The following EPHA3 variants were observed in gnomAD, a reference collection of about 807,000 sequenced individuals.
EPHA3 encodes ephrin type-A receptor 3.
A neutral mutation model predicts 107.1 loss-of-function variants in EPHA3; 42 were observed. The observed-to-expected ratio is 0.39, with a 90% CI of 0.31 to 0.51. EPHA3 has a LOEUF of 0.51. EPHA3 is among the 20% of genes least tolerant of loss of function. EPHA3 has a pLI of 0.78. For missense variants in EPHA3, 1,183 were observed against 1,211.2 expected, an observed-to-expected ratio of 0.98 and a Z score of 0.35; for synonymous variants, 461 against 424.8, an observed-to-expected ratio of 1.09 and a Z score of -1.05.
intron 2 of EPHA3, among the ~76,000 whole-genome samples, chr3:89,142,857 C>A (rs527389665): frequency 6.6e-6 from 1 of 151,368 alleles, no homozygotes; most frequent in South Asian, 2.1e-4. Flanking sequence ...CCCCTTTATG[C>A]CTTTTCAAAA....
intron 15 of EPHA3, among the ~76,000 whole-genome samples, chr3:89,458,358 A>T (rs1369591598): frequency 6.6e-6 from 1 of 152,164 alleles, no homozygotes; most frequent in East Asian, 1.9e-4. Context: ...AACGAGGAAC[A>T]ATCAGGGTGA....
intron 1 of EPHA3, among the ~76,000 whole-genome samples, chr3:89,111,842 A>G (rs964779074): frequency 6.6e-6 from 1 of 152,144 alleles, no homozygotes; most frequent in Non-Finnish European, 1.5e-5. Context: ...TTTATGTTTC[A>G]TAATCATACT....
chr3:89,161,946 C>T (rs2107072957), intron 2 of EPHA3, among the ~76,000 whole-genome samples: 1 of 151,636 alleles, frequency 6.6e-6, no homozygotes, highest in African/African-American at 2.4e-5. Context: ...CACTGCACTC[C>T]AGCCTGGGTG....
chr3:89,306,238 C>T (rs1210822376), intron 3 of EPHA3, among the ~76,000 whole-genome samples: 2 of 152,060 alleles, frequency 1.3e-5, no homozygotes, highest in South Asian at 2.1e-4. Context: ...TTTTTGAAAA[C>T]GTATATAGCT....
intron 2 of EPHA3, among the ~76,000 whole-genome samples, chr3:89,156,634 T>C (rs1704813371): frequency 6.6e-6 from 1 of 152,062 alleles, no homozygotes; most frequent in Non-Finnish European, 1.5e-5. Flanking sequence ...ATTTTTTTTC[T>C]TTACTTTGTG....
chr3:89,301,854 G>A (rs1250637121), intron 3 of EPHA3, among the ~76,000 whole-genome samples: 1 of 152,074 alleles, frequency 6.6e-6, no homozygotes, highest in Non-Finnish European at 1.5e-5. Flanking sequence ...GTAAAAGTCA[G>A]TGGATGATGT....
intron 5 of EPHA3, among the ~76,000 whole-genome samples, chr3:89,367,184 CA>C (rs1430589428): frequency 4.6e-5 from 7 of 150,932 alleles, no homozygotes; most frequent in Non-Finnish European, 8.9e-5. Context: ...CTTTATGCTC[CA>C]TGAATACATT....
chr3:89,133,580 G>A (rs1279071467), intron 2 of EPHA3, among the ~76,000 whole-genome samples: 7 of 152,146 alleles, frequency 4.6e-5, no homozygotes, highest in Non-Finnish European at 1.0e-4. Flanking sequence ...AGTGGTAGTC[G>A]GTTGGCGAGA....
intron 3 of EPHA3, among the ~76,000 whole-genome samples, chr3:89,331,405 C>T (rs1707284924): frequency 6.6e-6 from 1 of 152,096 alleles, no homozygotes; most frequent in Non-Finnish European, 1.5e-5. Flanking sequence ...GACACTAATA[C>T]CATTATACAA....
chr3:89,264,730 G>A (rs1165269489), intron 3 of EPHA3, among the ~76,000 whole-genome samples: 1 of 151,992 alleles, frequency 6.6e-6, no homozygotes, highest in Non-Finnish European at 1.5e-5. Context: ...CACATCCTAG[G>A]CTCTCAGGAA....
At chr3:89,186,964 G>A (rs1705581599) in intron 2 of EPHA3, among the ~76,000 whole-genome samples, 2 of 152,026 alleles carry the variant, frequency 1.3e-5, no homozygotes, top group African/African-American at 4.8e-5. Flanking sequence ...CATGCAAAAT[G>A]ATGACTGCTT....
In EPHA3 at chr3:89,391,762, T is replaced by C. The variant is rs567548951; in HGVS notation, c.1307-4075T>C. On this transcript the variant is annotated intron_variant, in intron 5 of 16. Transcript: ENST00000336596. The stretch of plus-strand genomic sequence containing the variant: ...TGTATTCTCTTAAGAAATATTTCAT[T>C]TAAAATATAATCAATACCACTTTAC... 1.5e-4 allele frequency among the ~76,000 whole-genome samples: 23 copies of C among 152,214 alleles called. No individual in the cohort carries two copies. In the South Asian group the frequency reaches 4.6e-3, roughly 30 times the overall value.
chr3:89,186,852 C>T (rs1477140913), intron 2 of EPHA3, among the ~76,000 whole-genome samples: 15 of 152,116 alleles, frequency 9.9e-5, no homozygotes, highest in African/African-American at 2.6e-4. Flanking sequence ...GGAAATGATA[C>T]GTTATGCACC....
At chr3:89,302,703 T>G (rs543728106) in intron 3 of EPHA3, among the ~76,000 whole-genome samples, 78 of 152,274 alleles carry the variant, frequency 5.1e-4, no homozygotes, top group Non-Finnish European at 7.2e-4. Flanking sequence ...GAATTTAGAA[T>G]CCATAGAATC....
At chr3:89,479,043 C>T (rs59108539) in intron 16 of EPHA3, among the ~76,000 whole-genome samples, 5,147 of 152,192 alleles carry the variant, frequency 0.034, 289 homozygotes, top group African/African-American at 0.12. Flanking sequence ...TCTGTGTATC[C>T]TATTCTCTTA....
intron 10 of EPHA3, among the ~76,000 whole-genome samples, chr3:89,413,985 T>A (rs778842463): frequency 9.2e-5 from 14 of 151,600 alleles, no homozygotes; most frequent in Non-Finnish European, 1.5e-4. Flanking sequence ...AAACTACTAT[T>A]CAAAAGTAAA....
rs371373830 is a variant in EPHA3, at chr3:89,370,521, G to A, written c.1307-25316G>A. ...GGGGACTGTTGTGGGGTGGGAGGAG[G>A]GGGGAGGGATAGCATTAGGAGATAT... On this transcript the variant is annotated intron_variant, in intron 5 of 16. Coordinates refer to ENST00000336596, the MANE Select transcript of EPHA3 (RefSeq NM_005233.6). 2.0e-5 allele frequency among the ~76,000 whole-genome samples: 3 copies of A among 151,792 alleles called. No individual in the cohort carries two copies. The South Asian group carries it at 6.2e-4, about 32-fold the overall frequency.
intron 2 of EPHA3, among the ~76,000 whole-genome samples, chr3:89,184,784 T>C (rs1247152535): frequency 1.3e-5 from 2 of 151,922 alleles, no homozygotes; most frequent in South Asian, 2.1e-4. Context: ...AAGATAATGA[T>C]GGGGAGTCAG....
chr3:89,411,301 C>T (rs1709150745), intron 9 of EPHA3, among the ~76,000 whole-genome samples: 1 of 151,794 alleles, frequency 6.6e-6, no homozygotes, highest in African/African-American at 2.4e-5. Context: ...ACTTGTATTT[C>T]CCCATTTCTG....
Sources: allele counts gnomAD v4.1 joint callset (sites outside exome capture counted in the v4.1 genomes callset), GRCh38; gene constraint gnomAD v4.1.1; transcripts MANE v1.5; gene names NCBI Gene and HGNC (gene_info 2026-07-23, HGNC 2026-07-21).